The following CDKN2B variants were observed in gnomAD, a reference collection of about 807,000 sequenced individuals.
CDKN2B encodes cyclin dependent kinase inhibitor 2B.
In CDKN2B, 8 loss-of-function variants were observed where a neutral mutation model predicts 7.7. That is an observed-to-expected ratio of 1.04 (90% CI 0.61 to 1.87). The LOEUF is 1.87. Among genes scored for constraint, CDKN2B ranks in the 40% most tolerant of loss-of-function variants. The probability of loss-of-function intolerance (pLI) is 0.00; values close to 1 mark genes in which losing one functional copy is unlikely to be tolerated. For synonymous variants in CDKN2B, 93 were observed against 95.8 expected (o/e 0.97, Z 0.17); for missense variants, 244 against 213.1 (o/e 1.15, Z -0.90).
At position 22,003,750 on chromosome 9, in the gene CDKN2B, T is replaced by TG. The variant is rs58215444; in HGVS notation, c.*2236dup. The stretch of plus-strand genomic sequence containing the variant: ...AAAATTTGGGTTTTTATAGGTGTGT[T>TG]GGGGGGGGTTATTCTCCATATTGTT... On this transcript the variant is annotated 3_prime_UTR_variant, in exon 2 of 2. Coordinates refer to ENST00000276925, the MANE Select transcript of CDKN2B (RefSeq NM_004936.4). The TG allele has an allele frequency of 2.4e-3, 562 of 231,080 alleles. 2 individuals carry two copies. The highest frequency in any genetic ancestry group is 9.2e-3 in the African/African-American group (415 of 45,220). The allele number at this position is 231,080 out of a possible 1,614,324, so 14.3% of individuals were successfully genotyped here.
chr9:22,009,087 C>T lies in CDKN2B; in HGVS notation c.-134G>A, dbSNP rs1821354780. On this transcript the variant is annotated 5_prime_UTR_variant, in exon 1 of 2. Coordinates refer to ENST00000276925, the MANE Select transcript of CDKN2B (RefSeq NM_004936.4). ...AGGAGACCTGGGCTCAGCTTCATTACCCTCCCGTCGTCCTTCTGCGGCTTG... is the reference window on the plus strand; with the variant it reads ...AGGAGACCTGGGCTCAGCTTCATTATCCTCCCGTCGTCCTTCTGCGGCTTG... 1.5e-6 allele frequency: 2 copies of T among 1,353,158 alleles called. No homozygotes were observed. The highest frequency in any genetic ancestry group is 2.1e-6 in the Non-Finnish European group (2 of 963,672). 83.8% of individuals were successfully genotyped at this position (1,353,158 alleles called of 1,614,324 possible).
chr9:22,006,794 G>T lies in CDKN2B; in HGVS notation c.157-547C>A, dbSNP rs2069425. Among the ~76,000 whole-genome samples, 1 of 151,066 alleles carries T rather than the reference G, an allele frequency of 6.6e-6. No homozygotes were observed. Among genetic ancestry groups the T allele is most frequent in the Admixed American group, 6.6e-5 (1 of 15,178 alleles). ...TTATTTAGTTCTCATAGCAAATCCC[G>T]TGCGGAAGGCTTTTGTTTGTCATGT... On this transcript the variant is annotated intron_variant, in intron 1 of 1. Transcript: ENST00000276925. The surrounding 1 kb of genome is among the most constrained non-coding windows in gnomAD (Gnocchi z 6.4).
At chr9:22,008,281 T>G (rs996105062) in intron 1 of CDKN2B, among the ~76,000 whole-genome samples, 1 of 152,194 alleles carries the variant, frequency 6.6e-6, no homozygotes, top group Admixed American at 6.5e-5. Context: ...ACTGCTAACA[T>G]AAAAGGAACT....
intron 1 of CDKN2B, among the ~76,000 whole-genome samples, chr9:22,007,256 G>A (rs966668438): frequency 2.6e-5 from 4 of 152,134 alleles, no homozygotes; most frequent in Non-Finnish European, 5.9e-5. Context: ...CAGCAACTCA[G>A]GAGGCTGAGG....
At position 22,003,936 on chromosome 9, in the gene CDKN2B, T is replaced by C. The variant is rs1471318573; in HGVS notation, c.*2051A>G. On this transcript the variant is annotated 3_prime_UTR_variant, in exon 2 of 2. Coordinates refer to ENST00000276925, the MANE Select transcript of CDKN2B (RefSeq NM_004936.4). ...TCATTCATGATTTTGGAGGACAAGCTGGTGCAATGGGAAGAAAAGCAAGAC... is the reference window on the plus strand; with the variant it reads ...TCATTCATGATTTTGGAGGACAAGCCGGTGCAATGGGAAGAAAAGCAAGAC... 4.3e-6 allele frequency: 1 copy of C among 232,512 alleles called. No homozygotes were observed. The highest frequency in any genetic ancestry group is 5.6e-5 in the Admixed American group (1 of 17,768). The allele number at this position is 232,512 out of a possible 1,614,324, so 14.4% of individuals were successfully genotyped here.
chr9:22,009,265 C>G lies in CDKN2B; in HGVS notation c.-312G>C, dbSNP rs1821369851. 11 of 520,250 alleles carry G rather than the reference C, an allele frequency of 2.1e-5. No individual in the cohort carries two copies. Among genetic ancestry groups the G allele is most frequent in the Middle Eastern group, 1.0e-3 (2 of 1,946 alleles). The allele number at this position is 520,250 out of a possible 1,614,324, so 32.2% of individuals were successfully genotyped here. ...CCGCTCTGGCCGCAGGGTGCGGACG[C>G]GTCGCGGAGTCCTCACTGCCCCGCC... On this transcript the variant is annotated 5_prime_UTR_variant, in exon 1 of 2. Coordinates refer to ENST00000276925, the MANE Select transcript of CDKN2B (RefSeq NM_004936.4).
intron 1 of CDKN2B, among the ~76,000 whole-genome samples, chr9:22,008,363 T>C (rs1821297566): frequency 6.6e-6 from 1 of 152,240 alleles, no homozygotes; most frequent in African/African-American, 2.4e-5. Flanking sequence ...ACAGATTTCA[T>C]ATAGTAGCTT....
chr9:22,005,740 A>T lies in CDKN2B; in HGVS notation c.*247T>A, dbSNP rs1258641579. On this transcript the variant is annotated 3_prime_UTR_variant, in exon 2 of 2. Coordinates refer to ENST00000276925, the MANE Select transcript of CDKN2B (RefSeq NM_004936.4). The surrounding 1 kb of genome is among the most constrained non-coding windows in gnomAD (Gnocchi z 4.9). Reference sequence around the variant, plus strand: ...CCCCTGGAATGTCACACACTCCTAAATATCCCTGGAAATCCGCTTCTCTGT... The same window carrying T: ...CCCCTGGAATGTCACACACTCCTAATTATCCCTGGAAATCCGCTTCTCTGT... 1.7e-6 allele frequency: 1 copy of T among 601,294 alleles called. No homozygotes were observed. Among genetic ancestry groups the T allele is most frequent in the East Asian group, 2.8e-5 (1 of 35,532 alleles). The allele number at this position is 601,294 out of a possible 1,614,324, so 37.2% of individuals were successfully genotyped here.
Position 22,007,936 on chromosome 9 carries a change from T to C in CDKN2B, c.156+862A>G, listed in dbSNP as rs190569642. Among the ~76,000 whole-genome samples, 95 of 152,310 alleles carry C rather than the reference T, an allele frequency of 6.2e-4. 3 individuals are homozygous for C. The East Asian group carries it at 0.017, about 27-fold the overall frequency. On this transcript the variant is annotated intron_variant, in intron 1 of 1. Transcript: ENST00000276925. Reference sequence around the variant, plus strand: ...TTTAAAATCTATACTATTAACAAGATCCCTTAATATTAGCTTAGTTTTAGA... The same window carrying C: ...TTTAAAATCTATACTATTAACAAGACCCCTTAATATTAGCTTAGTTTTAGA...
At chr9:22,008,467 T>C (rs918197609) in intron 1 of CDKN2B, among the ~76,000 whole-genome samples, 8 of 152,218 alleles carry the variant, frequency 5.3e-5, no homozygotes, top group Admixed American at 2.0e-4. Flanking sequence ...CTTATCTTTA[T>C]CGTTGAAAGC....
Position 22,008,917 on chromosome 9 carries a change from C to A in CDKN2B, c.37G>T (p.Gly13Cys). The change falls in exon 1 of 2, where the codon GGC becomes TGC. Residue 13 changes from glycine to cysteine, a missense_variant. By Grantham distance (159) the Gly-to-Cys change is radical (BLOSUM62 -3). Coordinates refer to ENST00000276925, the MANE Select transcript of CDKN2B (RefSeq NM_004936.4). Reference sequence around the variant, plus strand: ...GCGCTGGCCAGACCCTCATCGCTGCCGCCCCCACTGGGCATGCCCTTGTTC... The same window carrying A: ...GCGCTGGCCAGACCCTCATCGCTGCAGCCCCCACTGGGCATGCCCTTGTTC... ...EENKGMPSGGGSDEGLASAAA... is the reference protein window; with the variant it reads ...EENKGMPSGGCSDEGLASAAA... 4 of 1,613,000 alleles carry A rather than the reference C, an allele frequency of 2.5e-6. No individual in the cohort carries two copies. Among genetic ancestry groups the A allele is most frequent in the Non-Finnish European group, 3.4e-6 (4 of 1,179,922 alleles).
chr9:22,007,077 G>C (rs535290110), intron 1 of CDKN2B, among the ~76,000 whole-genome samples: 76 of 152,252 alleles, frequency 5.0e-4, no homozygotes, highest in Non-Finnish European at 9.4e-4. Flanking sequence ...AAAAGAGCTT[G>C]GGCCAGGCCC....
chr9:22,008,705 T>A (rs1472424508), intron 1 of CDKN2B, 93 bp downstream of exon 1: 1 of 1,611,456 alleles, frequency 6.2e-7, no homozygotes, highest in Non-Finnish European at 8.5e-7. Context: ...TGTACAAATC[T>A]ACATCGGCGA....
Position 22,006,243 on chromosome 9 carries a change from A to G in CDKN2B, c.161T>C (p.Met54Thr), listed in dbSNP as rs779743053. 35 of 1,605,032 alleles carry G rather than the reference A, an allele frequency of 2.2e-5. No individual in the cohort carries two copies. The South Asian group carries it at 3.4e-4, about 16-fold the overall frequency. Reference sequence around the variant, plus strand: ...CGCCACGCGGGCGCTGCCCATCATCATGACCTGCCAGAGAGAGCAGAGTGG... The same window carrying G: ...CGCCACGCGGGCGCTGCCCATCATCGTGACCTGCCAGAGAGAGCAGAGTGG... ...NRFGRRAIQV[M>T]MMGSARVAEL... The change falls in exon 2 of 2, where the codon ATG (methionine) becomes ACG (threonine). Residue 54 changes from methionine (M) to threonine (T), a missense_variant. Physicochemically the swap from Met to Thr is moderately conservative, Grantham distance 81 (BLOSUM62 -1). Coordinates refer to ENST00000276925, the MANE Select transcript of CDKN2B (RefSeq NM_004936.4). This position sits in a 1 kb window ranked among gnomAD's most constrained non-coding sequence, Gnocchi z 6.4.
Position 22,004,977 on chromosome 9 carries a change from C to A in CDKN2B, c.*1010G>T. On this transcript the variant is annotated 3_prime_UTR_variant, in exon 2 of 2. Coordinates refer to ENST00000276925, the MANE Select transcript of CDKN2B (RefSeq NM_004936.4). ...ATTTAAGAGCTGTAGTTCTTCCTCA[C>A]ATTTTAACTGAGAGCCACTAGTTAT... 4.3e-6 allele frequency: 1 copy of A among 233,328 alleles called. No individual in the cohort carries two copies. 14.5% of individuals were successfully genotyped at this position (233,328 alleles called of 1,614,324 possible).
Position 22,003,243 on chromosome 9 carries a change from T to G in CDKN2B, c.*2744A>C. On this transcript the variant is annotated 3_prime_UTR_variant, in exon 2 of 2. Transcript: ENST00000276925. ...CTATTTCAATACAACCAGGTGGTAATTGATACCCAATAATGTTTGAGGTTT... is the reference window on the plus strand; with the variant it reads ...CTATTTCAATACAACCAGGTGGTAAGTGATACCCAATAATGTTTGAGGTTT... 1 of 217,806 alleles carries G rather than the reference T, an allele frequency of 4.6e-6. No homozygotes were observed. Among genetic ancestry groups the G allele is most frequent in the Non-Finnish European group, 9.2e-6 (1 of 108,566 alleles). The allele number at this position is 217,806 out of a possible 1,614,324, so 13.5% of individuals were successfully genotyped here. A position where few individuals can be genotyped will look rare whatever the true frequency, so the allele number is the denominator to read the frequency against.
chr9:22,004,357 A>G lies in CDKN2B; in HGVS notation c.*1630T>C, dbSNP rs1245315598. 5 of 232,094 alleles carry G rather than the reference A, an allele frequency of 2.2e-5. No homozygotes were observed. The highest frequency in any genetic ancestry group is 8.5e-6 in the Non-Finnish European group (1 of 117,458). The allele number at this position is 232,094 out of a possible 1,614,324, so 14.4% of individuals were successfully genotyped here. On this transcript the variant is annotated 3_prime_UTR_variant, in exon 2 of 2. Coordinates refer to ENST00000276925, the MANE Select transcript of CDKN2B (RefSeq NM_004936.4). The stretch of plus-strand genomic sequence containing the variant: ...TTTTAAATGTGTATCTGGTAGAATG[A>G]GCATTTAGAAGCATAATACATGTAT...
At chr9:22,008,076 G>A (rs1821285073) in intron 1 of CDKN2B, among the ~76,000 whole-genome samples, 1 of 152,130 alleles carries the variant, frequency 6.6e-6, no homozygotes, top group Non-Finnish European at 1.5e-5. Flanking sequence ...AGCAGGATTC[G>A]TACTTAAACA....
Position 22,006,343 on chromosome 9 carries a change from T to G in CDKN2B, c.157-96A>C. ...AGGTGGAGCCATTTAAAGAAACACC[T>G]AATTGCAAAGTTTTCACCCAGTGCA... On this transcript the variant is annotated intron_variant, in intron 1 of 1. Transcript: ENST00000276925. The surrounding 1 kb of genome is among the most constrained non-coding windows in gnomAD (Gnocchi z 6.4). 1.3e-6 allele frequency: 2 copies of G among 1,531,110 alleles called. No individual in the cohort carries two copies. The highest frequency in any genetic ancestry group is 1.8e-6 in the Non-Finnish European group (2 of 1,132,234). 94.8% of individuals were successfully genotyped at this position (1,531,110 alleles called of 1,614,324 possible).
Sources: gnomAD v4.1 joint callset for allele counts (sites outside exome capture counted in the v4.1 genomes callset) on GRCh38, gnomAD v4.1.1 for gene constraint, Gnocchi (gnomAD v3.1) non-coding constraint, MANE v1.5 for transcripts, NCBI Gene and HGNC (gene_info 2026-07-23, HGNC 2026-07-21) for gene names.